Variants in LRBA observed in about 807,000 individuals in gnomAD.
LRBA encodes lipopolysaccharide-responsive and beige-like anchor protein.
In LRBA, 176 loss-of-function variants were observed where a neutral mutation model predicts 330.0. That is an observed-to-expected ratio of 0.53 (90% CI 0.47 to 0.60). The LOEUF is 0.60. Among genes scored for constraint, LRBA ranks in the 20% least tolerant of loss-of-function variants. The probability of loss-of-function intolerance (pLI) is 0.00; values close to 1 mark genes in which losing one functional copy is unlikely to be tolerated. For synonymous variants in LRBA, 1,230 were observed against 1,193.0 expected (o/e 1.03, Z -0.64); for missense variants, 3,259 against 3,444.8 (o/e 0.95, Z 1.35).
upstream of LRBA, chr4:151,015,716 G>A (rs1745342699): frequency 6.6e-6 from 1 of 151,850 alleles, no homozygotes; most frequent in South Asian, 2.1e-4. Context: ...CGCCATGACA[G>A]CGCCGAGTGC....
At chr4:150,644,762 T>G (rs576797790) in intron 37 of LRBA, among the ~76,000 whole-genome samples, 8 of 151,884 alleles carry the variant, frequency 5.3e-5, no homozygotes, top group African/African-American at 1.9e-4. Flanking sequence ...TTTTCAAAGT[T>G]GAGAAAACAA....
chr4:150,577,486 C>T (rs1371190581), intron 40 of LRBA, among the ~76,000 whole-genome samples: 1 of 151,234 alleles, frequency 6.6e-6, no homozygotes, highest in Non-Finnish European at 1.5e-5. Flanking sequence ...AAATGTAGCA[C>T]CCACATAGAT....
In LRBA at chr4:150,820,756, T is replaced by C. The variant is rs995318201; in HGVS notation, c.5172-3499A>G. Among the ~76,000 whole-genome samples, 11 of 152,158 alleles carry C rather than the reference T, an allele frequency of 7.2e-5. No individual in the cohort carries two copies. The East Asian group carries it at 1.9e-3, about 27-fold the overall frequency. On this transcript the variant is annotated intron_variant, in intron 30 of 56. Transcript: ENST00000651943. The stretch of plus-strand genomic sequence containing the variant: ...ATATTTTCATTGTCTTTACCAATCA[T>C]TGTCATTATTACTATAAAGTTTCAG...
intron 40 of LRBA, among the ~76,000 whole-genome samples, chr4:150,521,342 G>T (rs1762902762): frequency 6.6e-6 from 1 of 152,020 alleles, no homozygotes; most frequent in African/African-American, 2.4e-5. Flanking sequence ...TATTTATAAA[G>T]ATATAAATTT....
At chr4:150,776,195 T>C (rs1737307093) in intron 34 of LRBA, among the ~76,000 whole-genome samples, 1 of 152,162 alleles carries the variant, frequency 6.6e-6, no homozygotes, top group Non-Finnish European at 1.5e-5. Context: ...TGCACGCCTA[T>C]AATCCTAGCC....
At chr4:150,516,760 A>G (rs1401780707) in intron 40 of LRBA, among the ~76,000 whole-genome samples, 1 of 152,210 alleles carries the variant, frequency 6.6e-6, no homozygotes, top group East Asian at 1.9e-4. Flanking sequence ...ACAAAAGTGT[A>G]TATTGTTGGT....
intron 47 of LRBA, among the ~76,000 whole-genome samples, chr4:150,378,806 G>A (rs1339131452): frequency 1.3e-5 from 2 of 151,982 alleles, no homozygotes; most frequent in African/African-American, 2.4e-5. Context: ...TGACAATAAT[G>A]TTATGACTAT....
chr4:150,371,287 G>T lies in LRBA; in HGVS notation c.7195-21128C>A, dbSNP rs1740278085. ...GGCTCACTCCAACCCCTGTCTCCTG[G>T]GTTCAAGCGATTCTCCTGACTCAGC... On this transcript the variant is annotated intron_variant, in intron 47 of 56. Transcript: ENST00000651943. Among the ~76,000 whole-genome samples the T allele has an allele frequency of 4.0e-5, 6 of 148,278 alleles. No individual in the cohort carries two copies. The South Asian group carries it at 1.3e-3, about 32-fold the overall frequency.
intron 36 of LRBA, among the ~76,000 whole-genome samples, chr4:150,700,758 CTTT>C (rs35721808): frequency 1.1e-4 from 15 of 141,898 alleles, no homozygotes; most frequent in Non-Finnish European, 1.2e-4. Context: ...CTATAATTTC[CTTT>C]TTTTTTTTTT....
chr4:150,822,208 T>C (rs1471672047), intron 30 of LRBA, among the ~76,000 whole-genome samples: 1 of 152,214 alleles, frequency 6.6e-6, no homozygotes, highest in Admixed American at 6.5e-5. Context: ...AAATTATCTG[T>C]TGTTTTCTAT....
At chr4:150,308,249 C>T (rs1730610441) in intron 52 of LRBA, among the ~76,000 whole-genome samples, 1 of 152,186 alleles carries the variant, frequency 6.6e-6, no homozygotes, top group Non-Finnish European at 1.5e-5. Flanking sequence ...CGATGGACCA[C>T]ATATATGATG....
chr4:150,568,854 AAAC>A (rs1365407957), intron 40 of LRBA, among the ~76,000 whole-genome samples: 11 of 152,132 alleles, frequency 7.2e-5, no homozygotes. Flanking sequence ...AGATGCCAGA[AAAC>A]AACAATGAAA....
At chr4:150,997,588 A>C (rs1742807477) in intron 2 of LRBA, among the ~76,000 whole-genome samples, 2 of 152,230 alleles carry the variant, frequency 1.3e-5, no homozygotes, top group African/African-American at 4.8e-5. Context: ...GGGGAAAAAA[A>C]AAGAATTAAG....
At chr4:150,554,378 T>G (rs1338662670) in intron 40 of LRBA, among the ~76,000 whole-genome samples, 1 of 152,068 alleles carries the variant, frequency 6.6e-6, no homozygotes, top group Non-Finnish European at 1.5e-5. Context: ...AACCAGGAAG[T>G]AGGATCAGAG....
At position 150,359,694 on chromosome 4, in the gene LRBA, T is replaced by C. The variant is rs543142612; in HGVS notation, c.7195-9535A>G. ...TGTACACTATTAAAGTATTAAAATA[T>C]GTTTGACCAGGCGCAGTGGGTTACA... is the stretch of plus-strand genomic sequence containing the variant. On this transcript the variant is annotated intron_variant, in intron 47 of 56. Transcript: ENST00000651943. Among the ~76,000 whole-genome samples, 14 of 152,220 alleles carry C rather than the reference T, an allele frequency of 9.2e-5. No homozygotes were observed. The South Asian group carries it at 2.9e-3, about 32-fold the overall frequency.
intron 36 of LRBA, among the ~76,000 whole-genome samples, chr4:150,688,367 G>A (rs938588313): frequency 2.0e-5 from 3 of 152,116 alleles, no homozygotes; most frequent in African/African-American, 7.2e-5. Flanking sequence ...GAAAACCTAG[G>A]CAATGCCATT....
At chr4:150,810,810 C>A (rs1002917001) in intron 31 of LRBA, among the ~76,000 whole-genome samples, 3 of 152,108 alleles carry the variant, frequency 2.0e-5, no homozygotes, top group African/African-American at 7.2e-5. Context: ...TTATGTTGCC[C>A]AGGCGGGTCT....
At chr4:150,691,735 A>T (rs530079923) in intron 36 of LRBA, among the ~76,000 whole-genome samples, 2 of 152,360 alleles carry the variant, frequency 1.3e-5, no homozygotes, top group South Asian at 4.1e-4. Context: ...ATTTCTACAA[A>T]AATAACTTGT....
rs181612024 is a variant in LRBA at position 150,914,784 on chromosome 4, A to G, written c.1015-443T>C. Among the ~76,000 whole-genome samples, 345 of 152,326 alleles carry G rather than the reference A, an allele frequency of 2.3e-3. 2 individuals carry two copies. Among genetic ancestry groups the G allele is most frequent in the Non-Finnish European group, 1.2e-3 (84 of 68,002 alleles). ...ACAGGTTACAAAACAATACTTACAT[A>G]TGAGCCCTTTTTTGTACTAAAAAAG... On this transcript the variant is annotated intron_variant, in intron 8 of 56. Coordinates refer to ENST00000651943, the MANE Select transcript of LRBA (RefSeq NM_001364905.1).
Sources: gnomAD v4.1 joint callset for allele counts (sites outside exome capture counted in the v4.1 genomes callset) on GRCh38, gnomAD v4.1.1 for gene constraint, MANE v1.5 for transcripts, NCBI Gene and HGNC (gene_info 2026-07-23, HGNC 2026-07-21) for gene names.